Variants in MTOR observed in about 807,000 individuals in gnomAD.
MTOR encodes mechanistic target of rapamycin kinase, also known as serine/threonine-protein kinase mTOR.
A neutral mutation model predicts 319.8 loss-of-function variants in MTOR; 70 were observed. The observed-to-expected ratio is 0.22, with a 90% confidence interval of 0.18 to 0.27. The LOEUF (loss-of-function observed/expected upper bound fraction) is 0.27, where lower values mean the gene tolerates loss of function less well. Among genes scored for constraint, MTOR ranks in the 10% least tolerant of loss-of-function variants. MTOR has a pLI of 1.00. For missense variants in MTOR, 1,890 were observed against 3,274.4 expected (o/e 0.58, Z 10.32); for synonymous variants, 1,183 against 1,211.4 (o/e 0.98, Z 0.49).
chr1:11,239,053 C>A (rs58515785), intron 11 of MTOR, among the ~76,000 whole-genome samples: 1 of 151,754 alleles, frequency 6.6e-6, no homozygotes, highest in Non-Finnish European at 1.5e-5. Context: ...GGATTATAGG[C>A]GTAAGCCACC....
At chr1:11,174,740 CTTGTTTTA>C (rs1644930059) in intron 28 of MTOR, among the ~76,000 whole-genome samples, 1 of 152,200 alleles carries the variant, frequency 6.6e-6, no homozygotes, top group Non-Finnish European at 1.5e-5. Flanking sequence ...GCGAGGAACT[CTTGTTTTA>C]CGGGGCAGCT....
intron 24 of MTOR, among the ~76,000 whole-genome samples, chr1:11,209,970 C>T (rs983695734): frequency 2.0e-5 from 3 of 152,126 alleles, no homozygotes; most frequent in African/African-American, 7.2e-5. Flanking sequence ...TGGGTTCAAG[C>T]AATTCTCTTG....
At chr1:11,237,263 T>C (rs576343874) in intron 13 of MTOR, among the ~76,000 whole-genome samples, 1 of 152,048 alleles carries the variant, frequency 6.6e-6, no homozygotes, top group East Asian at 1.9e-4. Flanking sequence ...ACTCAGTAGG[T>C]GAAGACAAAA....
At chr1:11,254,016 A>C (rs770596725) in intron 5 of MTOR, 43 bp from the exon 6 acceptor site, 2 of 1,608,594 alleles carry the variant, frequency 1.2e-6, no homozygotes, top group East Asian at 4.5e-5. Flanking sequence ...ACAGAGTACA[A>C]ACCCAGAAAG....
chr1:11,189,603 T>C, intron 28 of MTOR: 3 of 1,612,194 alleles, frequency 1.9e-6, no homozygotes, highest in Non-Finnish European at 2.5e-6. Context: ...CTCTCTCAGC[T>C]GTGACCTGGC....
rs1179083274 is a variant in MTOR at position 11,127,996 on chromosome 1, C to T, written c.6033+8G>A. 1.2e-5 allele frequency: 20 copies of T among 1,613,468 alleles called. No individual in the cohort carries two copies. Among genetic ancestry groups the T allele is most frequent in the East Asian group, 4.5e-5 (2 of 44,874 alleles). On this transcript the variant is annotated splice_region_variant and intron_variant, in intron 43 of 57. Coordinates refer to ENST00000361445, the MANE Select transcript of MTOR (RefSeq NM_004958.4). The surrounding 1 kb of genome is among the most constrained non-coding windows in gnomAD (Gnocchi z 5.5). ...GGTCTATGAAGCCCCACAGTGGCTC[C>T]GACCCACCATCATGGCCTGCTGGAC...
chr1:11,153,936 G>A (rs192802411), intron 30 of MTOR, among the ~76,000 whole-genome samples: 33 of 151,554 alleles, frequency 2.2e-4, no homozygotes, highest in African/African-American at 6.1e-4. Context: ...GGGAGTGGTG[G>A]TGCATGCCTG....
Position 11,121,078 on chromosome 1 carries a change from G to A in MTOR, c.6933+168C>T, listed in dbSNP as rs566869431. 8.1e-4 allele frequency among the ~76,000 whole-genome samples: 123 copies of A among 152,330 alleles called. No homozygotes were observed. Among genetic ancestry groups the A allele is most frequent in the Non-Finnish European group, 1.4e-3 (93 of 68,034 alleles). ...ATTAAACTACTCATTCTAACTCTGT[G>A]AACTTGTCTTGCTCACCCATTTCAT... On this transcript the variant is annotated intron_variant, in intron 49 of 57. Coordinates refer to ENST00000361445, the MANE Select transcript of MTOR (RefSeq NM_004958.4). The surrounding 1 kb of genome is among the most constrained non-coding windows in gnomAD (Gnocchi z 4.9).
At chr1:11,213,670 G>A in intron 20 of MTOR, 104 bp from the exon 21 acceptor site, 1 of 1,117,272 alleles carries the variant, frequency 9.0e-7, no homozygotes, top group Non-Finnish European at 1.3e-6. Context: ...AGTGAGCATG[G>A]TCTGCGCCGA....
chr1:11,184,639 G>A lies in MTOR; in HGVS notation c.4253+14619C>T, dbSNP rs1349546632. On this transcript the variant is annotated intron_variant, in intron 28 of 57. Coordinates refer to ENST00000361445, the MANE Select transcript of MTOR (RefSeq NM_004958.4). ...CCAGCTACTTTGGAGGCTCAGGCAG[G>A]AGGACTGCTTCAGCTCACGAGTTCC... Among the ~76,000 whole-genome samples, 2 of 152,114 alleles carry A rather than the reference G, an allele frequency of 1.3e-5. 1 individual carries two copies. The highest frequency in any genetic ancestry group is 4.8e-5 in the African/African-American group (2 of 41,416).
chr1:11,221,718 T>A (rs1007458332), intron 19 of MTOR, among the ~76,000 whole-genome samples: 2 of 148,376 alleles, frequency 1.3e-5, no homozygotes, highest in Non-Finnish European at 3.0e-5. Context: ...ATATATATAG[T>A]GTATATATAC....
chr1:11,157,665 T>C lies in MTOR; in HGVS notation c.4330-374A>G, dbSNP rs1442603731. ...AAAACGTCGACCAGAGCACCAGAGC[T>C]GTTTCAAAGGTGCCATCGCTCCGAT... is the stretch of plus-strand genomic sequence containing the variant. On this transcript the variant is annotated intron_variant, in intron 29 of 57. Coordinates refer to ENST00000361445, the MANE Select transcript of MTOR (RefSeq NM_004958.4). Among the ~76,000 whole-genome samples the C allele has an allele frequency of 2.0e-5, 3 of 152,298 alleles. No homozygotes were observed. The East Asian group carries it at 5.8e-4, about 29-fold the overall frequency.
At chr1:11,194,735 A>G (rs1645714146) in intron 28 of MTOR, 3 of 1,604,584 alleles carry the variant, frequency 1.9e-6, no homozygotes, top group African/African-American at 2.7e-5. Flanking sequence ...AGAGTGAATT[A>G]TAACTGTACA....
In MTOR at chr1:11,232,372, A is replaced by C; in HGVS notation, c.2514+64T>G. On this transcript the variant is annotated intron_variant, in intron 16 of 57. Transcript: ENST00000361445. ...TGGGTGAGGACACTAAGGTGAATAA[A>C]GAGAAGCAAAGTCCCTGGACTCATG... 2.4e-6 allele frequency: 3 copies of C among 1,264,636 alleles called. No individual in the cohort carries two copies. The South Asian group carries it at 3.8e-5, about 16-fold the overall frequency. 78.3% of individuals were successfully genotyped at this position (1,264,636 alleles called of 1,614,324 possible). A position where few individuals can be genotyped will look rare whatever the true frequency, so the allele number is the denominator to read the frequency against.
Position 11,127,118 on chromosome 1 carries a change from G to A in MTOR, c.6243C>T (p.Ala2081=), listed in dbSNP as rs1240599380. 1.2e-6 allele frequency: 2 copies of A among 1,613,940 alleles called. No individual in the cohort carries two copies. The highest frequency in any genetic ancestry group is 2.2e-5 in the East Asian group (1 of 44,886). The change falls in exon 45 of 58, where the codon GCC becomes GCT. Residue 2081 remains alanine, a synonymous_variant. Coordinates refer to ENST00000361445, the MANE Select transcript of MTOR (RefSeq NM_004958.4). The surrounding 1 kb of genome is among the most constrained non-coding windows in gnomAD (Gnocchi z 5.5). ...TCATGTACTTCCTGCACCACTCTTG[G>A]GCCTCCATTAAATCTCGACCATAGG... ...NQAYGRDLME[A]QEWCRKYMKS...
At chr1:11,141,842 A>T (rs1643723313) in intron 34 of MTOR, among the ~76,000 whole-genome samples, 1 of 147,802 alleles carries the variant, frequency 6.8e-6, no homozygotes, top group South Asian at 2.1e-4. Flanking sequence ...AAAAAATAAT[A>T]AAAAAAAAAT....
chr1:11,249,065 A>T (rs961733403), intron 6 of MTOR, among the ~76,000 whole-genome samples: 2 of 152,234 alleles, frequency 1.3e-5, no homozygotes, highest in East Asian at 3.9e-4. Context: ...TTCTACTAAA[A>T]ATACAAAAAT....
chr1:11,115,009 G>A lies in MTOR; in HGVS notation c.7090-122C>T, dbSNP rs1642089585. On this transcript the variant is annotated intron_variant, in intron 51 of 57. Coordinates refer to ENST00000361445, the MANE Select transcript of MTOR (RefSeq NM_004958.4). This position sits in a 1 kb window ranked among gnomAD's most constrained non-coding sequence, Gnocchi z 4.5. ...ATTTTAATTATAGCAGGGAAAGGAAGCAGCTTGGGTTTAGTGAGAGGACTT... is the reference window on the plus strand; with the variant it reads ...ATTTTAATTATAGCAGGGAAAGGAAACAGCTTGGGTTTAGTGAGAGGACTT... 3 of 801,682 alleles carry A rather than the reference G, an allele frequency of 3.7e-6. No individual in the cohort carries two copies. Among genetic ancestry groups the A allele is most frequent in the Non-Finnish European group, 6.3e-6 (3 of 477,234 alleles). The allele number at this position is 801,682 out of a possible 1,614,324, so 49.7% of individuals were successfully genotyped here.
intron 19 of MTOR, among the ~76,000 whole-genome samples, chr1:11,227,297 CAAAAAA>C (rs59546882): frequency 5.4e-5 from 4 of 74,012 alleles, no homozygotes; most frequent in African/African-American, 3.2e-4. Flanking sequence ...GACTTTGTCT[CAAAAAA>C]AAAAAAAAAA....
Sources: allele counts gnomAD v4.1 joint callset (sites outside exome capture counted in the v4.1 genomes callset), GRCh38; gene constraint gnomAD v4.1.1; non-coding constraint Gnocchi (gnomAD v3.1); transcripts MANE v1.5; gene names NCBI Gene and HGNC (gene_info 2026-07-23, HGNC 2026-07-21).